Variants in TF observed in about 807,000 individuals in gnomAD.
The protein encoded by TF is transferrin, also known as serotransferrin.
Under a neutral mutation model 82.4 loss-of-function variants are expected in TF, and 55 were observed. The observed-to-expected ratio is 0.67, with a 90% CI of 0.54 to 0.84. The LOEUF is 0.84. Ranked by LOEUF, TF falls within the 40% of genes least tolerant of loss-of-function variation. The pLI, the probability that TF is intolerant of heterozygous loss-of-function variation, is 0.00. For synonymous variants in TF, 332 were observed against 332.6 expected (o/e 1.00, Z 0.02); for missense variants, 737 against 868.4 (o/e 0.85, Z 1.90).
intron 14 of TF, chr3:133,775,032 T>G: frequency 3.1e-6 from 1 of 327,050 alleles, no homozygotes; most frequent in Non-Finnish European, 6.0e-6. Context: ...GAAAAGTTCT[T>G]TTGTTTGGAG....
intron 14 of TF, 133 bp downstream of exon 14, chr3:133,770,705 TG>T: frequency 9.3e-7 from 1 of 1,076,630 alleles, no homozygotes; most frequent in Non-Finnish European, 1.4e-6. Context: ...TCAGTCTGTC[TG>T]CTCAGTGAAG....
At chr3:133,753,754 G>T (rs775691376) in intron 3 of TF, 51 bp downstream of exon 3, 17 of 1,426,858 alleles carry the variant, frequency 1.2e-5, no homozygotes, top group Non-Finnish European at 1.5e-5. Context: ...TATTCTATAT[G>T]CTGAGTGCTG....
At chr3:133,715,726 GT>G in the TF span, among the ~76,000 whole-genome samples, 1 of 152,062 alleles carries the variant, frequency 6.6e-6, no homozygotes, top group Non-Finnish European at 1.5e-5. Context: ...CATGGAGTTG[GT>G]TTTATTATTG....
At chr3:133,778,290 G>GCGACTCCTGGC in intron 16 of TF, 1 of 357,462 alleles carries the variant, frequency 2.8e-6, no homozygotes, top group South Asian at 2.4e-5. Context: ...GTCTTCCTGG[G>GCGACTCCTGGC]CGACTCCTGG....
rs890702489 is a variant in TF at position 133,789,725 on chromosome 3, T to C, written c.*11105T>C. 3.9e-5 allele frequency: 6 copies of C among 152,184 alleles called. No homozygotes were observed. Among genetic ancestry groups the C allele is most frequent in the African/African-American group, 1.2e-4 (5 of 41,454 alleles). The allele number at this position is 152,184 out of a possible 1,614,324, so 9.4% of individuals were successfully genotyped here. A position where few individuals can be genotyped will look rare whatever the true frequency, so the allele number is the denominator to read the frequency against. On this transcript the variant is annotated 3_prime_UTR_variant, in exon 17 of 17. Transcript: ENST00000402696. ...CTAAACAGGCTAGTTTTAAAATTAT[T>C]GGTGAAGTAAAAATAGAAATGCCTT... is the stretch of plus-strand genomic sequence containing the variant.
At chr3:133,663,318 A>G in the TF span, among the ~76,000 whole-genome samples, 1 of 150,314 alleles carries the variant, frequency 6.7e-6, no homozygotes, top group African/African-American at 2.4e-5. Flanking sequence ...CCGGAATAAA[A>G]TCTGTCTTAC....
chr3:133,771,266 A>G (rs994235421), intron 14 of TF, among the ~76,000 whole-genome samples: 11 of 152,248 alleles, frequency 7.2e-5, no homozygotes, highest in African/African-American at 2.7e-4. Context: ...AATTTTGAGC[A>G]TTAAAATAAA....
chr3:133,762,506 ATTG>A (rs1008302722), intron 9 of TF: 9 of 152,088 alleles, frequency 5.9e-5, no homozygotes, highest in African/African-American at 2.2e-4. Flanking sequence ...TTGTTTTATT[ATTG>A]TTGTTGTTAA....
intron 3 of TF, 75 bp downstream of exon 3, chr3:133,753,778 G>T: frequency 8.2e-7 from 1 of 1,224,484 alleles, no homozygotes; most frequent in East Asian, 2.3e-5. Context: ...TTTACAGGCA[G>T]GTTTTGGATA....
the TF span, among the ~76,000 whole-genome samples, chr3:133,677,176 G>A: frequency 6.6e-6 from 1 of 152,114 alleles, no homozygotes; most frequent in Non-Finnish European, 1.5e-5. Context: ...TTCTCTATTC[G>A]GTGAGCATCA....
chr3:133,719,979 A>C, the TF span, among the ~76,000 whole-genome samples: 1 of 152,144 alleles, frequency 6.6e-6, no homozygotes, highest in Non-Finnish European at 1.5e-5. Flanking sequence ...TAAATAGTTT[A>C]TTAGCTCTAA....
At chr3:133,759,919 C>T (rs954876580) in intron 9 of TF, among the ~76,000 whole-genome samples, 7 of 151,872 alleles carry the variant, frequency 4.6e-5, no homozygotes, top group Non-Finnish European at 8.8e-5. Context: ...TACTTATAAT[C>T]ATGTAATTCA....
chr3:133,753,489 G>A lies in TF; in HGVS notation c.217-106G>A, dbSNP rs41298297. ...CTGTGCGTGGTCTAGTCAAGTTCTG[G>A]CCCTGGGTCCGTGGAGTCCTGGTAG... On this transcript the variant is annotated intron_variant, in intron 2 of 16. Coordinates refer to ENST00000402696, the MANE Select transcript of TF (RefSeq NM_001063.4). 660 of 963,632 alleles carry A rather than the reference G, an allele frequency of 6.8e-4. 2 individuals are homozygous for A. The African/African-American group carries it at 9.2e-3, about 13-fold the overall frequency. The allele number at this position is 963,632 out of a possible 1,614,324, so 59.7% of individuals were successfully genotyped here.
chr3:133,737,566 C>T, the TF span, among the ~76,000 whole-genome samples: 1 of 151,454 alleles, frequency 6.6e-6, no homozygotes, highest in East Asian at 1.9e-4. Flanking sequence ...AAATGGACCG[C>T]TAGCCAGACT....
chr3:133,679,026 C>G, the TF span, among the ~76,000 whole-genome samples: 1 of 152,072 alleles, frequency 6.6e-6, no homozygotes, highest in Non-Finnish European at 1.5e-5. Context: ...GTGGGCACCA[C>G]CACACCTGGC....
At chr3:133,699,405 G>A in the TF span, 70 of 1,047,406 alleles carry the variant, frequency 6.7e-5, no homozygotes, top group Non-Finnish European at 9.5e-5. Flanking sequence ...ATGGCTCATG[G>A]CTCTCCTGCG....
upstream of TF, among the ~76,000 whole-genome samples, chr3:133,744,861 A>G (rs1364792455): frequency 1.3e-5 from 2 of 152,232 alleles, no homozygotes; most frequent in Non-Finnish European, 2.9e-5. Context: ...ATTATCATTC[A>G]TTCATATTGA....
In TF at chr3:133,783,353, T is replaced by C. The variant is rs759662774; in HGVS notation, c.*4733T>C. ...TGGCATTATACTCGGGGGGGACAGA[T>C]AGGCTACTCACTGAAGTGTTTAGAA... On this transcript the variant is annotated 3_prime_UTR_variant, in exon 17 of 17. Transcript: ENST00000402696. 4 of 152,192 alleles carry C rather than the reference T, an allele frequency of 2.6e-5. No individual in the cohort carries two copies. Among genetic ancestry groups the C allele is most frequent in the African/African-American group, 9.7e-5 (4 of 41,450 alleles). 9.4% of individuals were successfully genotyped at this position (152,192 alleles called of 1,614,324 possible).
the TF span, among the ~76,000 whole-genome samples, chr3:133,698,995 A>G: frequency 3.9e-5 from 6 of 152,304 alleles, no homozygotes; most frequent in East Asian, 1.2e-3. Context: ...CCATCTTGGC[A>G]TGGTAATGCG....
Sources: gnomAD v4.1 joint callset for allele counts (sites outside exome capture counted in the v4.1 genomes callset) on GRCh38, gnomAD v4.1.1 for gene constraint, MANE v1.5 for transcripts, NCBI Gene and HGNC (gene_info 2026-07-23, HGNC 2026-07-21) for gene names.